RIT2: variants seen among roughly 807,000 people sequenced by gnomAD.
The protein encoded by RIT2 is GTP-binding protein Rit2.
Under a neutral mutation model 23.7 loss-of-function variants are expected in RIT2, and 24 were observed. The observed-to-expected ratio is 1.01, with a 90% CI of 0.73 to 1.43. RIT2 has a LOEUF of 1.43. Ranked by LOEUF, RIT2 falls within the 40% of genes most tolerant of loss-of-function variation. The probability of loss-of-function intolerance (pLI) is 0.00; values close to 1 mark genes in which losing one functional copy is unlikely to be tolerated. For missense variants in RIT2, 236 were observed against 266.9 expected (o/e 0.88, Z 0.81); for synonymous variants, 107 against 91.1 (o/e 1.17, Z -0.99).
intron 1 of RIT2, among the ~76,000 whole-genome samples, chr18:43,062,144 A>G (rs1912661460): frequency 6.6e-6 from 1 of 152,140 alleles, no homozygotes; most frequent in Admixed American, 6.6e-5. Flanking sequence ...AAAAGCCGCA[A>G]CATAGGGAGG....
intron 1 of RIT2, among the ~76,000 whole-genome samples, chr18:43,075,221 A>G (rs1912987296): frequency 6.6e-6 from 1 of 152,184 alleles, no homozygotes; most frequent in African/African-American, 2.4e-5. Context: ...GCTATATTTA[A>G]TGTTTAAATC....
At chr18:43,013,399 C>T (rs546940525) in intron 2 of RIT2, among the ~76,000 whole-genome samples, 3 of 151,852 alleles carry the variant, frequency 2.0e-5, no homozygotes, top group South Asian at 2.1e-4. Context: ...GTCCAGGAAT[C>T]GTGACTGAGA....
intron 3 of RIT2, among the ~76,000 whole-genome samples, chr18:42,967,174 C>A (rs684401): frequency 0.53 from 79,544 of 151,282 alleles, 24,133 homozygotes; most frequent in East Asian, 0.84. Context: ...ATTTCTCTCT[C>A]TATATATATC....
At chr18:43,023,547 C>T (rs1446545877) in intron 2 of RIT2, among the ~76,000 whole-genome samples, 2 of 151,950 alleles carry the variant, frequency 1.3e-5, no homozygotes, top group Non-Finnish European at 2.9e-5. Flanking sequence ...ACATAAAAAT[C>T]ATGGAAAATG....
intron 4 of RIT2, among the ~76,000 whole-genome samples, chr18:42,907,834 A>T (rs1908662646): frequency 1.3e-5 from 2 of 152,114 alleles, no homozygotes; most frequent in African/African-American, 4.8e-5. Flanking sequence ...TTTAAGAATT[A>T]GTCAGGTGTG....
intron 4 of RIT2, among the ~76,000 whole-genome samples, chr18:42,801,113 T>G (rs1284396186): frequency 6.6e-6 from 1 of 152,138 alleles, no homozygotes; most frequent in Non-Finnish European, 1.5e-5. Flanking sequence ...TGTATGTTAG[T>G]GTTGATAATG....
chr18:43,105,920 T>C (rs1913811378), intron 1 of RIT2, among the ~76,000 whole-genome samples: 1 of 152,162 alleles, frequency 6.6e-6, no homozygotes, highest in Non-Finnish European at 1.5e-5. Context: ...ATTCTACAGA[T>C]TGAAGGTTGA....
chr18:43,009,573 G>C (rs189942323), intron 2 of RIT2, among the ~76,000 whole-genome samples: 1 of 151,574 alleles, frequency 6.6e-6, no homozygotes, highest in Non-Finnish European at 1.5e-5. Flanking sequence ...TTCACAACCC[G>C]TCCCCTCTTC....
intron 4 of RIT2, among the ~76,000 whole-genome samples, chr18:42,791,017 T>G (rs1417525377): frequency 2.6e-5 from 4 of 152,170 alleles, no homozygotes; most frequent in Non-Finnish European, 5.9e-5. Context: ...CACCCTTTCT[T>G]GGCCTAAGGG....
At chr18:42,769,874 AT>A (rs1913508849) in intron 4 of RIT2, among the ~76,000 whole-genome samples, 1 of 149,226 alleles carries the variant, frequency 6.7e-6, no homozygotes, top group Non-Finnish European at 1.5e-5. Flanking sequence ...AATAATAATA[AT>A]AATAAAGATA....
Position 42,963,440 on chromosome 18 carries a change from A to G in RIT2, c.234+10634T>C, listed in dbSNP as rs770640160. ...CTGGAAAACTGGGTTCTTGAAACTC[A>G]TTCAAGGCTTGAGGAATCCCTCTTA... On this transcript the variant is annotated intron_variant, in intron 3 of 4. Coordinates refer to ENST00000326695, the MANE Select transcript of RIT2 (RefSeq NM_002930.4). Among the ~76,000 whole-genome samples, 53 of 152,336 alleles carry G rather than the reference A, an allele frequency of 3.5e-4. No individual in the cohort carries two copies. The Middle Eastern group carries it at 0.01, about 29-fold the overall frequency.
intron 3 of RIT2, among the ~76,000 whole-genome samples, chr18:42,948,629 A>G (rs1598726638): frequency 6.6e-6 from 1 of 151,942 alleles, no homozygotes; most frequent in East Asian, 1.9e-4. Context: ...GTCCTAGATG[A>G]TATCTGACTT....
chr18:43,085,951 C>T (rs1444240761), intron 1 of RIT2, among the ~76,000 whole-genome samples: 1 of 152,102 alleles, frequency 6.6e-6, no homozygotes, highest in Non-Finnish European at 1.5e-5. Context: ...ATAGATTTTG[C>T]CTTCTACCAT....
At chr18:43,096,986 C>G (rs1913569607) in intron 1 of RIT2, among the ~76,000 whole-genome samples, 1 of 151,764 alleles carries the variant, frequency 6.6e-6, no homozygotes, top group Non-Finnish European at 1.5e-5. Flanking sequence ...GTCTTTGATC[C>G]TATCCAAAGG....
chr18:42,763,028 T>C (rs1472389682), intron 4 of RIT2, among the ~76,000 whole-genome samples: 1 of 152,228 alleles, frequency 6.6e-6, no homozygotes, highest in Non-Finnish European at 1.5e-5. Context: ...ACCTAAGCTA[T>C]ATGATATAGC....
intron 3 of RIT2, among the ~76,000 whole-genome samples, chr18:42,973,017 A>C (rs544161862): frequency 1.4e-4 from 22 of 151,932 alleles, no homozygotes; most frequent in African/African-American, 4.8e-4. Flanking sequence ...GAATATTCTG[A>C]CACTTCTAAT....
intron 1 of RIT2, among the ~76,000 whole-genome samples, chr18:43,069,555 T>C (rs1598770214): frequency 6.6e-6 from 1 of 152,160 alleles, no homozygotes; most frequent in East Asian, 1.9e-4. Context: ...ACCAACCTCC[T>C]TGTTTTTGTC....
intron 2 of RIT2, among the ~76,000 whole-genome samples, chr18:42,985,006 T>C (rs923571019): frequency 3.9e-5 from 6 of 152,058 alleles, no homozygotes; most frequent in African/African-American, 1.4e-4. Context: ...ATGAAAAATA[T>C]TGTTTGGGCA....
intron 2 of RIT2, among the ~76,000 whole-genome samples, chr18:43,016,268 T>A (rs1911472194): frequency 6.6e-6 from 1 of 151,890 alleles, no homozygotes; most frequent in African/African-American, 2.4e-5. Context: ...ATTTTAGTTG[T>A]TTTCTAATAC....
Sources: gnomAD v4.1 joint callset for allele counts (sites outside exome capture counted in the v4.1 genomes callset) on GRCh38, gnomAD v4.1.1 for gene constraint, MANE v1.5 for transcripts, NCBI Gene and HGNC (gene_info 2026-07-23, HGNC 2026-07-21) for gene names.